NXN: variants seen among roughly 807,000 people sequenced by gnomAD.
The protein encoded by NXN is nucleoredoxin 1.
NXN carries 16 observed loss-of-function variants against 48.6 expected under a neutral mutation model. The ratio of observed to expected loss-of-function variants is 0.33; its 90% CI spans 0.22 to 0.50. The LOEUF is 0.50. Ranked by LOEUF, NXN falls within the 20% of genes least tolerant of loss-of-function variation. The pLI is 0.98. For missense variants in NXN, 492 were observed against 605.5 expected, an observed-to-expected ratio of 0.81 and a Z score of 1.97; for synonymous variants, 281 against 269.6, an observed-to-expected ratio of 1.04 and a Z score of -0.41.
chr17:957,279 T>A (rs2069181422), intron 1 of NXN, among the ~76,000 whole-genome samples: 1 of 151,560 alleles, frequency 6.6e-6, no homozygotes, highest in South Asian at 2.1e-4. Context: ...TTCCTCTACT[T>A]CACACACAGA....
At chr17:910,833 A>G (rs1196565860) in intron 1 of NXN, 1 of 152,156 alleles carries the variant, frequency 6.6e-6, no homozygotes, top group African/African-American at 2.4e-5. Context: ...AGAACGAGTG[A>G]TGTGGGCTCA....
chr17:815,327 C>A (rs1405128084), intron 5 of NXN, among the ~76,000 whole-genome samples: 15 of 150,680 alleles, frequency 1.0e-4, no homozygotes, highest in Non-Finnish European at 2.2e-4. Context: ...ATGATGAGGG[C>A]GAGTGTCCAC....
Position 961,107 on chromosome 17 carries a change from A to G in NXN, c.360+18212T>C, listed in dbSNP as rs1417422881. Among the ~76,000 whole-genome samples, 9 of 151,456 alleles carry G rather than the reference A, an allele frequency of 5.9e-5. No homozygotes were observed. In the South Asian group the frequency reaches 1.5e-3, roughly 25 times the overall value. The stretch of plus-strand genomic sequence containing the variant: ...CCAATTAACTCGATTTTTAATAGCT[A>G]TTCAGGCTGGGCACAGTGGCTCATG... On this transcript the variant is annotated intron_variant, in intron 1 of 7. Transcript: ENST00000336868.
intron 1 of NXN, among the ~76,000 whole-genome samples, chr17:895,656 CAAAAAA>C (rs71145789): frequency 1.4e-5 from 2 of 144,322 alleles, no homozygotes; most frequent in Admixed American, 6.9e-5. Context: ...ACTTAAAATA[CAAAAAA>C]AAAAAATTAG....
intron 1 of NXN, among the ~76,000 whole-genome samples, chr17:841,912 G>A (rs151033699): frequency 1.6e-3 from 246 of 152,284 alleles, no homozygotes; most frequent in Non-Finnish European, 2.5e-3. Context: ...CGAGGTGGGC[G>A]GATCACCTGA....
chr17:943,357 T>A (rs985693016), intron 1 of NXN, among the ~76,000 whole-genome samples: 7 of 151,344 alleles, frequency 4.6e-5, no homozygotes, highest in Non-Finnish European at 1.0e-4. Flanking sequence ...TCCACGGAGG[T>A]CGACTGGCCA....
In NXN at chr17:805,065, T is replaced by C; in HGVS notation, c.1000+3A>G. ...TCGCCCCCTGCCCCCGTGAGCTTCA[T>C]ACCTACAAAAAGGACGAGGCAGGGG... is the stretch of plus-strand genomic sequence containing the variant. On this transcript the variant is annotated splice_donor_region_variant and intron_variant, in intron 6 of 7. Coordinates refer to ENST00000336868, the MANE Select transcript of NXN (RefSeq NM_022463.5). 2.0e-6 allele frequency: 3 copies of C among 1,500,510 alleles called. No homozygotes were observed. Among genetic ancestry groups the C allele is most frequent in the Non-Finnish European group, 2.7e-6 (3 of 1,108,990 alleles). The allele number at this position is 1,500,510 out of a possible 1,614,324, so 92.9% of individuals were successfully genotyped here. A position where few individuals can be genotyped will look rare whatever the true frequency, so the allele number is the denominator to read the frequency against.
chr17:917,252 C>T lies in NXN; in HGVS notation c.360+62067G>A, dbSNP rs2068697911. 1.3e-5 allele frequency among the ~76,000 whole-genome samples: 2 copies of T among 152,182 alleles called. No individual in the cohort carries two copies. Among genetic ancestry groups the T allele is most frequent in the Non-Finnish European group, 2.9e-5 (2 of 68,030 alleles). ...CGCCTCGCGGGTTCAAGCGATTCTC[C>T]TGCCTCAGCCTCCCGAGCAGCTGGG... is the stretch of plus-strand genomic sequence containing the variant. On this transcript the variant is annotated intron_variant, in intron 1 of 7. Transcript: ENST00000336868. This position sits in a 1 kb window ranked among gnomAD's most constrained non-coding sequence, Gnocchi z 4.5.
intron 5 of NXN, among the ~76,000 whole-genome samples, chr17:816,340 C>A (rs924102122): frequency 1.0e-5 from 1 of 99,222 alleles, no homozygotes; most frequent in African/African-American, 5.7e-5. Context: ...CCTTCACTGT[C>A]CCTGTCATGG....
At chr17:915,884 C>CCCCTAAAATGGGCGGCCA (rs1405159846) in intron 1 of NXN, among the ~76,000 whole-genome samples, 2 of 152,072 alleles carry the variant, frequency 1.3e-5, no homozygotes, top group African/African-American at 2.4e-5. Context: ...GCTGGAACTT[C>CCCCTAAAATGGGCGGCCA]CAGCTGCTCC....
chr17:811,508 T>TC (rs1912003116), intron 5 of NXN, among the ~76,000 whole-genome samples: 4 of 127,576 alleles, frequency 3.1e-5, no homozygotes, highest in African/African-American at 1.2e-4. Flanking sequence ...AGCCCCGGGG[T>TC]TGGGGGGGGG....
Position 855,976 on chromosome 17 carries a change from C to T in NXN, c.361-29898G>A, listed in dbSNP as rs1417531839. 3.9e-5 allele frequency among the ~76,000 whole-genome samples: 6 copies of T among 152,010 alleles called. No homozygotes were observed. The East Asian group carries it at 7.7e-4, about 20-fold the overall frequency. On this transcript the variant is annotated intron_variant, in intron 1 of 7. Transcript: ENST00000336868. ...TTGGGAGGCCTAGACGGGCAGATCA[C>T]GAGGTCAGGAGATCAAGACCATCCT...
intron 1 of NXN, among the ~76,000 whole-genome samples, chr17:889,751 G>A (rs991373599): frequency 1.2e-5 from 1 of 84,116 alleles, no homozygotes; most frequent in African/African-American, 5.8e-5. Flanking sequence ...AAGAAAGAAA[G>A]AAAGAAAGAA....
At chr17:826,121 G>C (rs1314354508) in intron 1 of NXN, 43 bp from the exon 2 acceptor site, 2 of 1,290,764 alleles carry the variant, frequency 1.5e-6, no homozygotes, top group South Asian at 2.4e-5. Context: ...GTCCAAACCA[G>C]ATTCATTGCA....
At chr17:843,401 C>G (rs1354999580) in intron 1 of NXN, among the ~76,000 whole-genome samples, 1 of 152,194 alleles carries the variant, frequency 6.6e-6, no homozygotes, top group African/African-American at 2.4e-5. Context: ...TCTTTCTGGC[C>G]GACACCACAG....
At chr17:828,842 G>C (rs1056324281) in intron 1 of NXN, among the ~76,000 whole-genome samples, 3 of 152,116 alleles carry the variant, frequency 2.0e-5, no homozygotes, top group African/African-American at 7.2e-5. Context: ...TACAAGGACT[G>C]AGTCAGGTTA....
chr17:839,462 A>G (rs1253950981), intron 1 of NXN, among the ~76,000 whole-genome samples: 1 of 151,684 alleles, frequency 6.6e-6, no homozygotes, highest in Non-Finnish European at 1.5e-5. Flanking sequence ...ATAAAATAAA[A>G]CATAGGAAGT....
intron 1 of NXN, among the ~76,000 whole-genome samples, chr17:912,643 C>A (rs532125279): frequency 6.6e-6 from 1 of 151,818 alleles, no homozygotes; most frequent in African/African-American, 2.4e-5. Flanking sequence ...GCTCTTTATG[C>A]ATTAAGAAAA....
At chr17:806,117 C>T (rs987881356) in intron 5 of NXN, among the ~76,000 whole-genome samples, 3 of 150,988 alleles carry the variant, frequency 2.0e-5, no homozygotes, top group East Asian at 1.9e-4. Context: ...CTGCAGCCCC[C>T]GCCGTCTGCA....
Sources: allele counts gnomAD v4.1 joint callset (sites outside exome capture counted in the v4.1 genomes callset), GRCh38; gene constraint gnomAD v4.1.1; non-coding constraint Gnocchi (gnomAD v3.1); transcripts MANE v1.5; gene names NCBI Gene and HGNC (gene_info 2026-07-23, HGNC 2026-07-21).